The following TMEM132C variants were observed in gnomAD, a reference collection of about 807,000 sequenced individuals.
The protein encoded by TMEM132C is protein phosphatase 1, regulatory subunit 152.
In TMEM132C, 29 loss-of-function variants were observed where a neutral mutation model predicts 61.4. The ratio of observed to expected loss-of-function variants is 0.47; its 90% CI spans 0.35 to 0.64. TMEM132C has a LOEUF of 0.64. TMEM132C is among the 30% of genes least tolerant of loss of function. TMEM132C has a pLI of 0.00. For synonymous variants in TMEM132C, 656 were observed against 633.1 expected (o/e 1.04, Z -0.54); for missense variants, 1,408 against 1,476.9 (o/e 0.95, Z 0.76).
At chr12:128,459,194 T>C (rs1168470457) in intron 2 of TMEM132C, among the ~76,000 whole-genome samples, 4 of 152,244 alleles carry the variant, frequency 2.6e-5, no homozygotes, top group African/African-American at 9.6e-5. Flanking sequence ...TGCATACCTC[T>C]AATTTCCATA....
At chr12:128,328,935 G>A (rs1872600962) in intron 1 of TMEM132C, among the ~76,000 whole-genome samples, 1 of 152,166 alleles carries the variant, frequency 6.6e-6, no homozygotes, top group Non-Finnish European at 1.5e-5. Flanking sequence ...ATGCATCCCT[G>A]CCTATCCTCT....
intron 1 of TMEM132C, among the ~76,000 whole-genome samples, chr12:128,320,802 A>G (rs1872305961): frequency 6.9e-6 from 1 of 143,914 alleles, no homozygotes. Context: ...AAAAAAGGTG[A>G]AGATAAATAC....
At chr12:128,701,423 A>C (rs1238774117) in intron 8 of TMEM132C, among the ~76,000 whole-genome samples, 1 of 152,188 alleles carries the variant, frequency 6.6e-6, no homozygotes, top group African/African-American at 2.4e-5. Flanking sequence ...ATCCAACTCA[A>C]CCTGCCTTCA....
chr12:128,697,522 A>G (rs1954775095), intron 8 of TMEM132C, 107 bp downstream of exon 8: 2 of 1,171,962 alleles, frequency 1.7e-6, no homozygotes, highest in Non-Finnish European at 2.3e-6. Context: ...TAGCAGAACC[A>G]TGTTCCACAA....
intron 1 of TMEM132C, among the ~76,000 whole-genome samples, chr12:128,378,333 G>C (rs1054626162): frequency 6.6e-6 from 1 of 152,038 alleles, no homozygotes; most frequent in Non-Finnish European, 1.5e-5. Context: ...AGCCAGGATG[G>C]TCTCGATCTC....
intron 4 of TMEM132C, 49 bp from the exon 5 acceptor site, chr12:128,669,368 C>A (rs577514555): frequency 3.0e-5 from 46 of 1,544,380 alleles, no homozygotes; most frequent in Non-Finnish European, 3.8e-5. Flanking sequence ...CAGTTCCCAA[C>A]AGAATGGAAT....
chr12:128,520,205 C>T (rs1371407979), intron 2 of TMEM132C, among the ~76,000 whole-genome samples: 2 of 152,210 alleles, frequency 1.3e-5, no homozygotes, highest in Non-Finnish European at 2.9e-5. Context: ...ACCTCCTGAC[C>T]AGCTCAGAGC....
intron 2 of TMEM132C, among the ~76,000 whole-genome samples, chr12:128,474,416 A>T (rs1871087724): frequency 6.6e-6 from 1 of 152,164 alleles, no homozygotes; most frequent in Non-Finnish European, 1.5e-5. Context: ...TTTAGCACAC[A>T]CTGTGAAACT....
chr12:128,521,673 T>C (rs59860523), intron 2 of TMEM132C, among the ~76,000 whole-genome samples: 2 of 152,170 alleles, frequency 1.3e-5, no homozygotes, highest in African/African-American at 4.8e-5. Context: ...TCTACCAGAT[T>C]ACTGACCTGA....
chr12:128,697,417 T>C lies in TMEM132C; in HGVS notation c.2121+2T>C. 3 of 1,528,778 alleles carry C rather than the reference T, an allele frequency of 2.0e-6. No individual in the cohort carries two copies. Among genetic ancestry groups the C allele is most frequent in the Non-Finnish European group, 2.7e-6 (3 of 1,129,808 alleles). 94.7% of individuals were successfully genotyped at this position (1,528,778 alleles called of 1,614,324 possible). ...GAGGTGCTGCGGACCCCCAAACAGG[T>C]AGGGGGCCAAATGCCAGAGGTTCAG... On this transcript the variant is annotated splice_donor_variant, in intron 8 of 8. Transcript: ENST00000435159. LOFTEE classifies it high-confidence loss of function.
intron 2 of TMEM132C, among the ~76,000 whole-genome samples, chr12:128,541,047 G>A (rs1053368290): frequency 1.3e-5 from 1 of 74,860 alleles, no homozygotes; most frequent in African/African-American, 3.2e-5. Context: ...CTCTCTCTCT[G>A]TGTGTCTGAC....
At chr12:128,423,284 G>T (rs1296362907) in intron 2 of TMEM132C, among the ~76,000 whole-genome samples, 2 of 152,094 alleles carry the variant, frequency 1.3e-5, no homozygotes, top group East Asian at 1.9e-4. Context: ...TGGGGTATGG[G>T]GACCTCCTGG....
intron 1 of TMEM132C, among the ~76,000 whole-genome samples, chr12:128,386,613 C>G (rs190810278): frequency 6.6e-6 from 1 of 152,234 alleles, no homozygotes; most frequent in Admixed American, 6.5e-5. Context: ...GTGGCAGTAC[C>G]CACTCTGGGC....
At chr12:128,424,285 C>G (rs1869104206) in intron 2 of TMEM132C, among the ~76,000 whole-genome samples, 1 of 152,132 alleles carries the variant, frequency 6.6e-6, no homozygotes, top group Non-Finnish European at 1.5e-5. Flanking sequence ...TTCACATCAG[C>G]TTTCCTTTTG....
chr12:128,473,324 T>TCATCCTCACTCCAGCCTC lies in TMEM132C; in HGVS notation c.974+57708_974+57709insCTCACTCCAGCCTCCATC, dbSNP rs371048252. ...TTCATCTTCACTCCAGCCTCTATCT[T>TCATCCTCACTCCAGCCTC]CATCTTCAGTCCAGCCTCCTTCTTC... is the stretch of plus-strand genomic sequence containing the variant. On this transcript the variant is annotated intron_variant, in intron 2 of 8. Transcript: ENST00000435159. Among the ~76,000 whole-genome samples the TCATCCTCACTCCAGCCTC allele has an allele frequency of 1.0e-3, 157 of 151,688 alleles. 1 individual carries two copies. Among genetic ancestry groups the TCATCCTCACTCCAGCCTC allele is most frequent in the African/African-American group, 1.1e-3 (47 of 41,320 alleles).
In TMEM132C at chr12:128,693,990, C is replaced by T; in HGVS notation, c.1611C>T (p.Leu537=). The change falls in exon 6 of 9, where the codon CTC becomes CTT. Residue 537 remains leucine (L), a synonymous_variant. Transcript: ENST00000435159. ...AGATCGAGGTCTCTGACACGGAGCT[C>T]AGCCAGATAAAGGGCTGGAGGGTCC... ...PLQIEVSDTE[L]SQIKGWRVPI... 1 of 1,551,764 alleles carries T rather than the reference C, an allele frequency of 6.4e-7. No homozygotes were observed. Among genetic ancestry groups the T allele is most frequent in the Non-Finnish European group, 8.7e-7 (1 of 1,147,020 alleles).
At chr12:128,528,317 T>C (rs901505679) in intron 2 of TMEM132C, among the ~76,000 whole-genome samples, 1 of 152,216 alleles carries the variant, frequency 6.6e-6, no homozygotes, top group Admixed American at 6.5e-5. Context: ...CTCCTCCTGA[T>C]GGTTTATTCT....
intron 1 of TMEM132C, among the ~76,000 whole-genome samples, chr12:128,297,818 C>G (rs969701921): frequency 7.2e-5 from 11 of 152,138 alleles, no homozygotes; most frequent in African/African-American, 2.7e-4. Flanking sequence ...TTAGAGACCC[C>G]AAGCACTGAA....
chr12:128,401,666 C>T (rs1199851362), intron 1 of TMEM132C, among the ~76,000 whole-genome samples: 1 of 152,156 alleles, frequency 6.6e-6, no homozygotes, highest in African/African-American at 2.4e-5. Context: ...GAATCATTGC[C>T]CTTCTCCCAG....
Sources: allele counts gnomAD v4.1 joint callset (sites outside exome capture counted in the v4.1 genomes callset), GRCh38; gene constraint gnomAD v4.1.1; transcripts MANE v1.5; gene names NCBI Gene and HGNC (gene_info 2026-07-23, HGNC 2026-07-21).